The following HIP1 variants were observed in gnomAD, a reference collection of about 807,000 sequenced individuals.
HIP1 encodes the protein huntingtin interacting protein 1, also known as huntingtin-interacting protein 1.
A neutral mutation model predicts 147.6 loss-of-function variants in HIP1; 65 were observed. That is an observed-to-expected ratio of 0.44 (90% confidence interval 0.36 to 0.54). The LOEUF (loss-of-function observed/expected upper bound fraction) is 0.54, where lower values mean the gene tolerates loss of function less well. HIP1 is among the 20% of genes least tolerant of loss of function. The pLI, the probability that HIP1 is intolerant of heterozygous loss-of-function variation, is 0.00. For synonymous variants in HIP1, 479 were observed against 504.0 expected (o/e 0.95, Z 0.67); for missense variants, 1,061 against 1,299.6 (o/e 0.82, Z 2.82).
chr7:75,695,300 G>A (rs998162799), intron 1 of HIP1, among the ~76,000 whole-genome samples: 22 of 152,136 alleles, frequency 1.4e-4, no homozygotes, highest in African/African-American at 5.3e-4. Context: ...GGTGGTTTCT[G>A]CAGAGACGTA....
chr7:75,662,415 C>A (rs1185589226), intron 1 of HIP1, among the ~76,000 whole-genome samples: 2 of 152,130 alleles, frequency 1.3e-5, no homozygotes, highest in Admixed American at 1.3e-4. Context: ...TGGTCTCAAG[C>A]AATCCTCCTA....
chr7:75,682,653 A>G (rs1385484550), intron 1 of HIP1, among the ~76,000 whole-genome samples: 2 of 152,144 alleles, frequency 1.3e-5, no homozygotes, highest in African/African-American at 4.8e-5. Flanking sequence ...TTCCCAGGAG[A>G]CAAGAGTTTT....
At chr7:75,553,410 C>T in intron 22 of HIP1, 43 bp downstream of exon 22, 1 of 1,602,834 alleles carries the variant, frequency 6.2e-7, no homozygotes, top group Non-Finnish European at 8.5e-7. Context: ...GCACGCACAC[C>T]CAGAAGAATA....
At chr7:75,615,426 T>A (rs1797620131) in intron 1 of HIP1, among the ~76,000 whole-genome samples, 1 of 152,034 alleles carries the variant, frequency 6.6e-6, no homozygotes, top group African/African-American at 2.4e-5. Context: ...TGGTGGTATA[T>A]CTGTAGTGGT....
At chr7:75,562,259 C>G (rs1203788783) in intron 11 of HIP1, 89 bp from the exon 12 acceptor site, 1 of 862,800 alleles carries the variant, frequency 1.2e-6, no homozygotes, top group Non-Finnish European at 2.0e-6. Context: ...AGAATGCCCC[C>G]TTTCTCGAAT....
intron 1 of HIP1, among the ~76,000 whole-genome samples, chr7:75,649,529 T>C (rs539240260): frequency 1.5e-5 from 2 of 134,758 alleles, no homozygotes; most frequent in East Asian, 3.9e-4. Flanking sequence ...AAACAGAGGT[T>C]GTTATTGCCA....
At chr7:75,648,169 G>A (rs1247940544) in intron 1 of HIP1, among the ~76,000 whole-genome samples, 1 of 152,188 alleles carries the variant, frequency 6.6e-6, no homozygotes, top group African/African-American at 2.4e-5. Flanking sequence ...TGGAGTAGCT[G>A]AGGCTGGTTG....
At chr7:75,620,654 C>A (rs974210498) in intron 1 of HIP1, among the ~76,000 whole-genome samples, 2 of 152,072 alleles carry the variant, frequency 1.3e-5, no homozygotes, top group Non-Finnish European at 2.9e-5. Flanking sequence ...CCATTGCACT[C>A]CAGCCTGGGT....
intron 1 of HIP1, among the ~76,000 whole-genome samples, chr7:75,601,392 C>T (rs1796966242): frequency 6.6e-6 from 1 of 151,888 alleles, no homozygotes; most frequent in African/African-American, 2.4e-5. Context: ...AGTTTGAGAC[C>T]AGCCTGGCCA....
intron 3 of HIP1, 72 bp from the exon 4 acceptor site, chr7:75,592,184 G>T: frequency 6.7e-7 from 1 of 1,495,012 alleles, no homozygotes; most frequent in Non-Finnish European, 9.3e-7. Context: ...AGGATGGAGA[G>T]AGGCGGAGGT....
rs183278576 is a variant in HIP1, at chr7:75,695,739, T to C, written c.120+43062A>G. On this transcript the variant is annotated intron_variant, in intron 1 of 30. Coordinates refer to ENST00000336926, the MANE Select transcript of HIP1 (RefSeq NM_005338.7). ...ACAGGCATGCACCACCACACCCAGC[T>C]AATTTTTGTATTTTTAGTAGAGACG... 3.6e-4 allele frequency among the ~76,000 whole-genome samples: 55 copies of C among 152,180 alleles called. No individual in the cohort carries two copies. In the East Asian group the frequency reaches 6.0e-3, roughly 17 times the overall value.
At chr7:75,549,361 T>TC (rs1198387505) in intron 22 of HIP1, among the ~76,000 whole-genome samples, 2 of 137,958 alleles carry the variant, frequency 1.4e-5, no homozygotes, top group Non-Finnish European at 3.1e-5. Flanking sequence ...TTGCTTTCTT[T>TC]CTTTTCTTTT....
intron 1 of HIP1, among the ~76,000 whole-genome samples, chr7:75,637,536 A>ATT (rs869251770): frequency 0.027 from 1,894 of 70,836 alleles, 169 homozygotes; most frequent in African/African-American, 0.033. Context: ...TGCAGAGAGG[A>ATT]TTTTTTTTTT....
In HIP1 at chr7:75,600,038, G is replaced by A. The variant is rs1348154998; in HGVS notation, c.121-791C>T. 3.3e-5 allele frequency among the ~76,000 whole-genome samples: 5 copies of A among 151,640 alleles called. No individual in the cohort carries two copies. In the South Asian group the frequency reaches 8.3e-4, roughly 25 times the overall value. ...TTTAGTAGAGACGTGGTTTCACCAT[G>A]TTGGTTGGCCAGGCTGGTCTCGAGA... is the stretch of plus-strand genomic sequence containing the variant. On this transcript the variant is annotated intron_variant, in intron 1 of 30. Coordinates refer to ENST00000336926, the MANE Select transcript of HIP1 (RefSeq NM_005338.7).
chr7:75,640,550 A>C (rs1319075710), intron 1 of HIP1, among the ~76,000 whole-genome samples: 1 of 151,760 alleles, frequency 6.6e-6, no homozygotes, highest in Non-Finnish European at 1.5e-5. Flanking sequence ...CCAGGAGTTC[A>C]AGACCAGCCT....
chr7:75,605,743 C>T (rs1554503734), intron 1 of HIP1, among the ~76,000 whole-genome samples: 1 of 152,184 alleles, frequency 6.6e-6, no homozygotes, highest in Non-Finnish European at 1.5e-5. Flanking sequence ...GCCATGTTGG[C>T]CAGGCTGTTC....
intron 1 of HIP1, among the ~76,000 whole-genome samples, chr7:75,649,958 C>T (rs569340396): frequency 6.6e-6 from 1 of 152,242 alleles, no homozygotes; most frequent in South Asian, 2.1e-4. Flanking sequence ...TGTCCATGGT[C>T]CCTTTCCACA....
At chr7:75,589,373 T>G (rs1323938827) in intron 4 of HIP1, among the ~76,000 whole-genome samples, 1 of 151,738 alleles carries the variant, frequency 6.6e-6, no homozygotes, top group Non-Finnish European at 1.5e-5. Flanking sequence ...TGAGAAAGTC[T>G]GACACAGGTC....
intron 22 of HIP1, among the ~76,000 whole-genome samples, chr7:75,552,244 GA>G (rs1308099707): frequency 6.6e-6 from 1 of 151,290 alleles, no homozygotes; most frequent in Admixed American, 6.6e-5. Context: ...GGGAAAAAAT[GA>G]AAAAAAACTG....
Sources: allele counts gnomAD v4.1 joint callset (sites outside exome capture counted in the v4.1 genomes callset), GRCh38; gene constraint gnomAD v4.1.1; transcripts MANE v1.5; gene names NCBI Gene and HGNC (gene_info 2026-07-23, HGNC 2026-07-21).